The following MYO16 variants were observed in gnomAD, a reference collection of about 807,000 sequenced individuals.
MYO16 encodes the protein myosin XVI, also known as unconventional myosin-XVI.
Under a neutral mutation model 205.3 loss-of-function variants are expected in MYO16, and 94 were observed. The observed-to-expected ratio is 0.46, with a 90% CI of 0.39 to 0.54. MYO16 has a LOEUF of 0.54. MYO16 is among the 20% of genes least tolerant of loss of function. The pLI is 0.00. For missense variants in MYO16, 2,315 were observed against 2,387.5 expected, an observed-to-expected ratio of 0.97 and a Z score of 0.63; for synonymous variants, 988 against 954.0, an observed-to-expected ratio of 1.04 and a Z score of -0.66.
the MYO16 span, among the ~76,000 whole-genome samples, chr13:108,504,372 C>A: frequency 6.6e-6 from 1 of 152,082 alleles, no homozygotes; most frequent in Non-Finnish European, 1.5e-5. Context: ...GGTGATCCAC[C>A]CACCTCAGCC....
At chr13:108,745,004 A>G (rs1298594652) in intron 4 of MYO16, among the ~76,000 whole-genome samples, 2 of 152,258 alleles carry the variant, frequency 1.3e-5, no homozygotes, top group African/African-American at 2.4e-5. Flanking sequence ...GACAAGCAAT[A>G]AAGTGTCACT....
intron 2 of MYO16, among the ~76,000 whole-genome samples, chr13:108,699,700 G>T (rs1883226235): frequency 6.6e-6 from 1 of 152,096 alleles, no homozygotes; most frequent in African/African-American, 2.4e-5. Flanking sequence ...CAGACAATTT[G>T]TACCACAATT....
chr13:108,959,811 T>G (rs1594427098), intron 17 of MYO16, among the ~76,000 whole-genome samples: 1 of 152,244 alleles, frequency 6.6e-6, no homozygotes, highest in Non-Finnish European at 1.5e-5. Flanking sequence ...AGTTTATTTT[T>G]ACTTTTGTCA....
the MYO16 span, among the ~76,000 whole-genome samples, chr13:108,572,243 C>A: frequency 1.3e-5 from 2 of 152,084 alleles, no homozygotes; most frequent in African/African-American, 4.8e-5. Context: ...ATTTATTTTA[C>A]TACCTTTTTT....
chr13:108,998,205 C>T (rs1300691627), intron 21 of MYO16, among the ~76,000 whole-genome samples: 3 of 152,178 alleles, frequency 2.0e-5, no homozygotes, highest in Non-Finnish European at 2.9e-5. Flanking sequence ...TCTTCACATG[C>T]GTTATCACAT....
intron 1 of MYO16, among the ~76,000 whole-genome samples, chr13:108,605,263 A>G (rs141156705): frequency 2.0e-5 from 3 of 152,230 alleles, no homozygotes; most frequent in Admixed American, 1.3e-4. Context: ...CACTGCTTTT[A>G]AGGAGCCCAT....
chr13:108,551,780 G>A, the MYO16 span, among the ~76,000 whole-genome samples: 1 of 152,232 alleles, frequency 6.6e-6, no homozygotes, highest in Non-Finnish European at 1.5e-5. Flanking sequence ...AACATCTAAT[G>A]TTCTAGGCAT....
chr13:109,034,237 A>C (rs1041628096), intron 23 of MYO16, among the ~76,000 whole-genome samples: 2 of 152,218 alleles, frequency 1.3e-5, no homozygotes, highest in Admixed American at 1.3e-4. Flanking sequence ...GTACATTCCA[A>C]ATTTTACAAA....
At chr13:109,188,400 T>G (rs1447577379) in intron 34 of MYO16, among the ~76,000 whole-genome samples, 1 of 152,202 alleles carries the variant, frequency 6.6e-6, no homozygotes, top group African/African-American at 2.4e-5. Flanking sequence ...ATATTTGACA[T>G]GAGATTTCTG....
At chr13:108,677,217 A>T (rs1197896805) in intron 2 of MYO16, among the ~76,000 whole-genome samples, 2 of 151,792 alleles carry the variant, frequency 1.3e-5, no homozygotes, top group Non-Finnish European at 2.9e-5. Flanking sequence ...TTCCTGCCCT[A>T]ATGAACTTCA....
intron 34 of MYO16, among the ~76,000 whole-genome samples, chr13:109,181,991 G>A (rs180781020): frequency 1.9e-4 from 29 of 151,884 alleles, no homozygotes; most frequent in African/African-American, 7.0e-4. Context: ...AGCTAATTTT[G>A]TATTTTTAGT....
At chr13:108,624,091 T>C (rs1879643833) in intron 1 of MYO16, among the ~76,000 whole-genome samples, 1 of 152,208 alleles carries the variant, frequency 6.6e-6, no homozygotes, top group Non-Finnish European at 1.5e-5. Flanking sequence ...AAAATCCATG[T>C]ATATCAATGG....
chr13:109,184,418 A>C (rs1481220999), intron 34 of MYO16, among the ~76,000 whole-genome samples: 1 of 152,228 alleles, frequency 6.6e-6, no homozygotes, highest in Non-Finnish European at 1.5e-5. Flanking sequence ...AATAAAAAAC[A>C]AAAACATATC....
At chr13:108,587,849 C>A in the MYO16 span, among the ~76,000 whole-genome samples, 3 of 151,894 alleles carry the variant, frequency 2.0e-5, no homozygotes, top group African/African-American at 7.3e-5. Context: ...ATAATACATC[C>A]GTGAGCAGAA....
rs9559449 is a variant in MYO16, at chr13:108,951,960, G to A, written c.1926-5728G>A. On this transcript the variant is annotated intron_variant, in intron 16 of 34. Coordinates refer to ENST00000457511, the MANE Select transcript of MYO16 (RefSeq NM_001198950.3). The stretch of plus-strand genomic sequence containing the variant: ...CACTACTAAAAAAACACAAAAATTC[G>A]CCAGACGTGGTGGTGGGCGCCTGTA... 9.5e-3 allele frequency among the ~76,000 whole-genome samples: 1,449 copies of A among 151,980 alleles called. 87 individuals are homozygous for A. The East Asian group carries it at 0.17, about 18-fold the overall frequency.
At chr13:108,739,580 A>G (rs1351305792) in intron 4 of MYO16, among the ~76,000 whole-genome samples, 1 of 151,540 alleles carries the variant, frequency 6.6e-6, no homozygotes, top group Non-Finnish European at 1.5e-5. Flanking sequence ...TTTTCCCTTC[A>G]TTTCATCTTT....
intron 5 of MYO16, among the ~76,000 whole-genome samples, chr13:108,791,921 G>C (rs1419907175): frequency 6.6e-6 from 1 of 152,202 alleles, no homozygotes; most frequent in Non-Finnish European, 1.5e-5. Context: ...GCTTTCTCTT[G>C]ATGTTTGCTG....
chr13:109,114,371 GATCAAGGGTGTGTGCTTCTTTT>G (rs1300863817), intron 28 of MYO16, among the ~76,000 whole-genome samples: 4 of 152,160 alleles, frequency 2.6e-5, no homozygotes, highest in Non-Finnish European at 4.4e-5. Flanking sequence ...GACTTTATAG[GATCAAGGGTGTGTGCTTCTTTT>G]AGTCTGGAGC....
the MYO16 span, among the ~76,000 whole-genome samples, chr13:108,545,405 T>A: frequency 3.9e-5 from 6 of 152,326 alleles, no homozygotes; most frequent in African/African-American, 1.4e-4. Context: ...AGTCTACCAT[T>A]GGTGGGGATT....
Sources: allele counts gnomAD v4.1 joint callset (sites outside exome capture counted in the v4.1 genomes callset), GRCh38; gene constraint gnomAD v4.1.1; transcripts MANE v1.5; gene names NCBI Gene and HGNC (gene_info 2026-07-23, HGNC 2026-07-21).